RIOX1: variants seen among roughly 807,000 people sequenced by gnomAD.
RIOX1 encodes ribosomal oxygenase 1.
In RIOX1, 33 loss-of-function variants were observed where a neutral mutation model predicts 44.6. The ratio of observed to expected loss-of-function variants is 0.74; its 90% CI spans 0.56 to 0.99. The LOEUF is 0.99. Ranked by LOEUF, RIOX1 falls within the 50% of genes least tolerant of loss-of-function variation. RIOX1 has a pLI of 0.00. For missense variants in RIOX1, 821 were observed against 871.7 expected, an observed-to-expected ratio of 0.94 and a Z score of 0.73; for synonymous variants, 387 against 395.8, an observed-to-expected ratio of 0.98 and a Z score of 0.26.
At position 73,491,810 on chromosome 14, in the gene RIOX1, G is replaced by A. The variant is rs770243279; in HGVS notation, c.793G>A (p.Ala265Thr). The A allele has an allele frequency of 6.2e-7, 1 of 1,600,288 alleles. No homozygotes were observed. Among genetic ancestry groups the A allele is most frequent in the South Asian group, 1.1e-5 (1 of 89,436 alleles). ...EVQFGQHLDA[A>T]RYINGRRETL... is the part of the protein sequence containing the mutation. ...GCAGTTCGGCCAGCATTTGGACGCC[G>A]CTCGCTACATCAACGGACGACGCGA... The change falls in exon 1 of 1, where the codon GCT (alanine) becomes ACT (threonine). Residue 265 changes from alanine (A) to threonine (T), a missense_variant. Physicochemically the swap from Ala to Thr is moderately conservative, Grantham distance 58. This residue lies in a region of RIOX1 where 554 missense variants were observed against 531.2 expected (regional missense o/e 1.04). Coordinates refer to ENST00000304061, the MANE Select transcript of RIOX1 (RefSeq NM_024644.5).
chr14:73,492,991 ACTG>A lies in RIOX1; in HGVS notation c.*51_*53del, dbSNP rs760486744. On this transcript the variant is annotated 3_prime_UTR_variant, in exon 1 of 1. Transcript: ENST00000304061. The surrounding 1 kb of genome is among the most constrained non-coding windows in gnomAD (Gnocchi z 4.9). ...AAGGCAGTAGTGATTCTCCGCTGCC[ACTG>A]CTACCTTTTTTTTTTTTTTTTCCTT... 11 of 1,562,586 alleles carry A rather than the reference ACTG, an allele frequency of 7.0e-6. No individual in the cohort carries two copies. The highest frequency in any genetic ancestry group is 6.9e-6 in the Non-Finnish European group (8 of 1,164,236).
Position 73,492,516 on chromosome 14 carries a change from A to C in RIOX1, c.1499A>C (p.Gln500Pro). 1 of 1,613,622 alleles carries C rather than the reference A, an allele frequency of 6.2e-7. No homozygotes were observed. Among genetic ancestry groups the C allele is most frequent in the Non-Finnish European group, 8.5e-7 (1 of 1,179,734 alleles). Residue 500 changes from glutamine (Q) to proline (P), a missense_variant, in exon 1 of 1, where the codon CAG becomes CCG. By Grantham distance (76) the Gln-to-Pro change is moderately conservative. Coordinates refer to ENST00000304061, the MANE Select transcript of RIOX1 (RefSeq NM_024644.5). This position sits in a 1 kb window ranked among gnomAD's most constrained non-coding sequence, Gnocchi z 4.9. ...HFAPVDAVAD[Q>P]RAKDFIHDSL... ...GCTCCTGTTGATGCTGTGGCCGACC[A>C]GCGAGCCAAAGACTTCATTCACGAT...
Position 73,491,363 on chromosome 14 carries a change from C to A in RIOX1, c.346C>A (p.Gln116Lys). The A allele has an allele frequency of 1.5e-6, 2 of 1,376,272 alleles. No homozygotes were observed. Among genetic ancestry groups the A allele is most frequent in the Middle Eastern group, 2.5e-4 (1 of 3,978 alleles). The allele number at this position is 1,376,272 out of a possible 1,614,324, so 85.3% of individuals were successfully genotyped here. A position where few individuals can be genotyped will look rare whatever the true frequency, so the allele number is the denominator to read the frequency against. The change falls in exon 1 of 1, where the codon CAG (glutamine) becomes AAG (lysine). Residue 116 changes from glutamine (Q) to lysine (K), a missense_variant. Gln to Lys is a moderately conservative substitution (Grantham distance 53, BLOSUM62 1). Transcript: ENST00000304061. ...GGCCTCGCCCGCCGCGCGCTCCCTG[C>A]AGACCCCGTCGGCGCGCCTGGTGCC... ...LEASPAARSL[Q>K]TPSARLVPAS...
rs1324041027 is a variant in RIOX1 at position 73,491,799 on chromosome 14, A to G, written c.782A>G (p.His261Arg). ...LRNEEVQFGQ[H>R]LDAARYINGR... ...AACGAGGAGGTGCAGTTCGGCCAGC[A>G]TTTGGACGCCGCTCGCTACATCAAC... Residue 261 changes from histidine (H) to arginine (R), a missense_variant, in exon 1 of 1, where the codon CAT becomes CGT. Coordinates refer to ENST00000304061, the MANE Select transcript of RIOX1 (RefSeq NM_024644.5). 1 of 1,595,294 alleles carries G rather than the reference A, an allele frequency of 6.3e-7. No individual in the cohort carries two copies. The highest frequency in any genetic ancestry group is 1.8e-5 in the Admixed American group (1 of 56,638).
At position 73,491,155 on chromosome 14, in the gene RIOX1, T is replaced by A; in HGVS notation, c.138T>A (p.Val46=). 2 of 1,606,286 alleles carry A rather than the reference T, an allele frequency of 1.2e-6. No individual in the cohort carries two copies. Among genetic ancestry groups the A allele is most frequent in the Non-Finnish European group, 1.7e-6 (2 of 1,176,522 alleles). Residue 46 remains valine, a synonymous_variant, in exon 1 of 1, where the codon GTT becomes GTA. Coordinates refer to ENST00000304061, the MANE Select transcript of RIOX1 (RefSeq NM_024644.5). ...AGATACGAAAGCAGCTGCGAAGTGTTGTATCCCGCATGGCAGCGCTGAGGA... is the reference window on the plus strand; with the variant it reads ...AGATACGAAAGCAGCTGCGAAGTGTAGTATCCCGCATGGCAGCGCTGAGGA... ...SRKIRKQLRS[V]VSRMAALRTQ...
At position 73,493,032 on chromosome 14, in the gene RIOX1, T is replaced by A; in HGVS notation, c.*89T>A. Reference sequence around the variant, plus strand: ...TTTTTTTTTCCTTAAACTCACGTTCTTACCTTGATAAGCATCAGTGTGCTC... The same window carrying A: ...TTTTTTTTTCCTTAAACTCACGTTCATACCTTGATAAGCATCAGTGTGCTC... On this transcript the variant is annotated 3_prime_UTR_variant, in exon 1 of 1. Coordinates refer to ENST00000304061, the MANE Select transcript of RIOX1 (RefSeq NM_024644.5). 1 of 1,600,750 alleles carries A rather than the reference T, an allele frequency of 6.2e-7. No individual in the cohort carries two copies. Among genetic ancestry groups the A allele is most frequent in the East Asian group, 2.2e-5 (1 of 44,838 alleles).
In RIOX1 at chr14:73,492,021, A is replaced by G. The variant is rs957659122; in HGVS notation, c.1004A>G (p.Gln335Arg). Reference sequence around the variant, plus strand: ...GTTTACCTCACGCCCCCTAACTCGCAGGGCTTTGCCCCCCACTACGACGAC... The same window carrying G: ...GTTTACCTCACGCCCCCTAACTCGCGGGGCTTTGCCCCCCACTACGACGAC... ...SNVYLTPPNS[Q>R]GFAPHYDDIE... The change falls in exon 1 of 1, where the codon CAG (glutamine) becomes CGG (arginine). Residue 335 changes from glutamine to arginine, a missense_variant. By Grantham distance (43) the Gln-to-Arg change is conservative. Transcript: ENST00000304061. This position sits in a 1 kb window ranked among gnomAD's most constrained non-coding sequence, Gnocchi z 4.9. 4 of 1,613,890 alleles carry G rather than the reference A, an allele frequency of 2.5e-6. No individual in the cohort carries two copies. Among genetic ancestry groups the G allele is most frequent in the Non-Finnish European group, 3.4e-6 (4 of 1,179,906 alleles).
chr14:73,490,966 C>G lies in RIOX1; in HGVS notation c.-52C>G. On this transcript the variant is annotated 5_prime_UTR_variant, in exon 1 of 1. Coordinates refer to ENST00000304061, the MANE Select transcript of RIOX1 (RefSeq NM_024644.5). ...CCGCAGCCGCTGCATTCAGGAACCG[C>G]TTTAGCTTCGCCCCCGGCCGGCCGG... 7 of 1,309,242 alleles carry G rather than the reference C, an allele frequency of 5.3e-6. No homozygotes were observed. In the South Asian group the frequency reaches 7.0e-5, roughly 13 times the overall value. 81.1% of individuals were successfully genotyped at this position (1,309,242 alleles called of 1,614,324 possible).
Position 73,492,952 on chromosome 14 carries a change from T to C in RIOX1, c.*9T>C. The C allele has an allele frequency of 6.2e-7, 1 of 1,611,256 alleles. No homozygotes were observed. Among genetic ancestry groups the C allele is most frequent in the Non-Finnish European group, 8.5e-7 (1 of 1,178,574 alleles). On this transcript the variant is annotated 3_prime_UTR_variant, in exon 1 of 1. Transcript: ENST00000304061. The surrounding 1 kb of genome is among the most constrained non-coding windows in gnomAD (Gnocchi z 4.9). ...CTCTAGCCCTAAATTAGTTTCTTGTTGATTGCTGGAAACAAGGCAGTAGTG... is the reference window on the plus strand; with the variant it reads ...CTCTAGCCCTAAATTAGTTTCTTGTCGATTGCTGGAAACAAGGCAGTAGTG...
chr14:73,490,957 C>A lies in RIOX1; in HGVS notation c.-61C>A. On this transcript the variant is annotated 5_prime_UTR_variant, in exon 1 of 1. Coordinates refer to ENST00000304061, the MANE Select transcript of RIOX1 (RefSeq NM_024644.5). ...CAGAGTGCACCGCAGCCGCTGCATT[C>A]AGGAACCGCTTTAGCTTCGCCCCCG... The A allele has an allele frequency of 7.7e-7, 1 of 1,292,036 alleles. No individual in the cohort carries two copies. Among genetic ancestry groups the A allele is most frequent in the South Asian group, 2.5e-5 (1 of 39,454 alleles). 80.0% of individuals were successfully genotyped at this position (1,292,036 alleles called of 1,614,324 possible).
chr14:73,491,503 G>A lies in RIOX1; in HGVS notation c.486G>A (p.Gly162=), dbSNP rs1453415185. 1.3e-6 allele frequency: 2 copies of A among 1,513,664 alleles called. No homozygotes were observed. The highest frequency in any genetic ancestry group is 1.8e-6 in the Non-Finnish European group (2 of 1,136,580). 93.8% of individuals were successfully genotyped at this position (1,513,664 alleles called of 1,614,324 possible). The change falls in exon 1 of 1, where the codon GGG becomes GGA. Residue 162 remains glycine, a synonymous_variant. Coordinates refer to ENST00000304061, the MANE Select transcript of RIOX1 (RefSeq NM_024644.5). Reference sequence around the variant, plus strand: ...ACTTAGCGGCCGTCCAGTCGTCCGGGGCCCCTGCGACGGCGTCGGGGCCGC... The same window carrying A: ...ACTTAGCGGCCGTCCAGTCGTCCGGAGCCCCTGCGACGGCGTCGGGGCCGC... ...AQHLAAVQSS[G]APATASGPQV...
chr14:73,491,206 G>C lies in RIOX1; in HGVS notation c.189G>C (p.Ser63=). 2 of 1,595,022 alleles carry C rather than the reference G, an allele frequency of 1.3e-6. No homozygotes were observed. Among genetic ancestry groups the C allele is most frequent in the Non-Finnish European group, 1.7e-6 (2 of 1,169,882 alleles). ...CGCAGACGCTGCCTAGCGAGAACTC[G>C]GAGGAATCGAGGGTGGAGTCGACGG... ...LRTQTLPSEN[S]EESRVESTAD... is the part of the protein sequence containing the mutation. Residue 63 remains serine (S), a synonymous_variant, in exon 1 of 1, where the codon TCG becomes TCC. Transcript: ENST00000304061.
chr14:73,492,140 C>T lies in RIOX1; in HGVS notation c.1123C>T (p.Pro375Ser), dbSNP rs1885809514. The T allele has an allele frequency of 3.7e-6, 6 of 1,613,830 alleles. No homozygotes were observed. The highest frequency in any genetic ancestry group is 5.1e-6 in the Non-Finnish European group (6 of 1,179,882). ...PTEELALTSSPNFSQDDLGEP... is the reference protein window; with the variant it reads ...PTEELALTSSSNFSQDDLGEP... Reference sequence around the variant, plus strand: ...CGAGGAACTGGCTCTGACATCCAGCCCCAACTTCAGTCAGGACGACCTCGG... The same window carrying T: ...CGAGGAACTGGCTCTGACATCCAGCTCCAACTTCAGTCAGGACGACCTCGG... Residue 375 changes from proline to serine, a missense_variant, in exon 1 of 1, where the codon CCC becomes TCC. Physicochemically the swap from Pro to Ser is moderately conservative, Grantham distance 74. Around this residue, in one of 2 missense-constraint regions of RIOX1, gnomAD observed 267 missense variants for 340.5 expected, o/e 0.78. Coordinates refer to ENST00000304061, the MANE Select transcript of RIOX1 (RefSeq NM_024644.5). The surrounding 1 kb of genome is among the most constrained non-coding windows in gnomAD (Gnocchi z 4.9).
chr14:73,492,448 C>T lies in RIOX1; in HGVS notation c.1431C>T (p.Phe477=). ...SDSKDPRRTA[F]MEKVRVLVAR... is the part of the protein sequence containing the mutation. ...CTAAGGATCCGCGAAGAACCGCTTT[C>T]ATGGAGAAGGTGCGGGTCTTGGTTG... Residue 477 remains phenylalanine (F), a synonymous_variant, in exon 1 of 1, where the codon TTC becomes TTT. Transcript: ENST00000304061. This position sits in a 1 kb window ranked among gnomAD's most constrained non-coding sequence, Gnocchi z 4.9. The T allele has an allele frequency of 6.2e-7, 1 of 1,613,782 alleles. No homozygotes were observed. Among genetic ancestry groups the T allele is most frequent in the Non-Finnish European group, 8.5e-7 (1 of 1,179,808 alleles).
chr14:73,492,506 G>T lies in RIOX1; in HGVS notation c.1489G>T (p.Val497Leu). 1 of 1,613,662 alleles carries T rather than the reference G, an allele frequency of 6.2e-7. No homozygotes were observed. Among genetic ancestry groups the T allele is most frequent in the East Asian group, 2.2e-5 (1 of 44,884 alleles). Reference protein sequence around the residue: ...RLGHFAPVDAVADQRAKDFIH... With the variant: ...RLGHFAPVDALADQRAKDFIH... The stretch of plus-strand genomic sequence containing the variant: ...GGGACACTTTGCTCCTGTTGATGCT[G>T]TGGCCGACCAGCGAGCCAAAGACTT... The change falls in exon 1 of 1, where the codon GTG becomes TTG. Residue 497 changes from valine to leucine, a missense_variant. Coordinates refer to ENST00000304061, the MANE Select transcript of RIOX1 (RefSeq NM_024644.5). This position sits in a 1 kb window ranked among gnomAD's most constrained non-coding sequence, Gnocchi z 4.9.
Position 73,491,493 on chromosome 14 carries a change from A to T in RIOX1, c.476A>T (p.Gln159Leu). 1.3e-6 allele frequency: 2 copies of T among 1,506,176 alleles called. No homozygotes were observed. The highest frequency in any genetic ancestry group is 1.8e-6 in the Non-Finnish European group (2 of 1,133,422). 93.3% of individuals were successfully genotyped at this position (1,506,176 alleles called of 1,614,324 possible). The change falls in exon 1 of 1, where the codon CAG (glutamine) becomes CTG (leucine). Residue 159 changes from glutamine to leucine, a missense_variant. Transcript: ENST00000304061. ...ACCGCGCAACACTTAGCGGCCGTCC[A>T]GTCGTCCGGGGCCCCTGCGACGGCG... ...LCTAQHLAAVQSSGAPATASG... is the reference protein window; with the variant it reads ...LCTAQHLAAVLSSGAPATASG...
chr14:73,491,548 G>A lies in RIOX1; in HGVS notation c.531G>A (p.Gly177=). Residue 177 remains glycine, a synonymous_variant, in exon 1 of 1, where the codon GGG becomes GGA. Transcript: ENST00000304061. ...ASGPQVDNTG[G]EPAWDSPLRR... ...GGCCGCAGGTGGATAACACGGGTGG[G>A]GAGCCGGCCTGGGACTCCCCGCTGC... The A allele has an allele frequency of 1.3e-6, 2 of 1,534,666 alleles. No homozygotes were observed. Among genetic ancestry groups the A allele is most frequent in the Non-Finnish European group, 1.7e-6 (2 of 1,143,576 alleles).
chr14:73,493,125 C>T lies in RIOX1; in HGVS notation c.*182C>T, dbSNP rs201887859. 1 of 1,611,872 alleles carries T rather than the reference C, an allele frequency of 6.2e-7. No individual in the cohort carries two copies. Among genetic ancestry groups the T allele is most frequent in the Non-Finnish European group, 8.5e-7 (1 of 1,179,460 alleles). On this transcript the variant is annotated 3_prime_UTR_variant, in exon 1 of 1. Transcript: ENST00000304061. Reference sequence around the variant, plus strand: ...GGTCTTCTAGGAAGAACCATCTCATCTAGGTACAAAAGGAAAAGGAGAAGT... The same window carrying T: ...GGTCTTCTAGGAAGAACCATCTCATTTAGGTACAAAAGGAAAAGGAGAAGT...
Position 73,492,540 on chromosome 14 carries a change from A to G in RIOX1, c.1523A>G (p.Asp508Gly), listed in dbSNP as rs749715987. ...CAGCGAGCCAAAGACTTCATTCACG[A>G]TTCTCTGCCCCCTGTTTTGACTGAT... ...ADQRAKDFIH[D>G]SLPPVLTDRE... The change falls in exon 1 of 1, where the codon GAT becomes GGT. Residue 508 changes from aspartate (D) to glycine (G), a missense_variant. Physicochemically the swap from Asp to Gly is moderately conservative, Grantham distance 94 (BLOSUM62 -1). Around this residue, in one of 2 missense-constraint regions of RIOX1, gnomAD observed 267 missense variants for 340.5 expected, o/e 0.78. Coordinates refer to ENST00000304061, the MANE Select transcript of RIOX1 (RefSeq NM_024644.5). This position sits in a 1 kb window ranked among gnomAD's most constrained non-coding sequence, Gnocchi z 4.9. 3.7e-6 allele frequency: 6 copies of G among 1,613,674 alleles called. No homozygotes were observed. The South Asian group carries it at 4.4e-5, about 12-fold the overall frequency.
Sources: gnomAD v4.1 joint callset for allele counts on GRCh38, gnomAD v4.1.1 for gene constraint, gnomAD v4.1.1 regional missense constraint, Gnocchi (gnomAD v3.1) non-coding constraint, MANE v1.5 for transcripts, NCBI Gene and HGNC (gene_info 2026-07-23, HGNC 2026-07-21) for gene names.